Variants in MDGA2 observed in about 807,000 individuals in gnomAD.
MDGA2 encodes the protein MAM domain-containing glycosylphosphatidylinositol anchor protein 2.
A neutral mutation model predicts 117.8 loss-of-function variants in MDGA2; 40 were observed. The observed-to-expected ratio is 0.34, with a 90% CI of 0.26 to 0.44. The LOEUF is 0.44. Ranked by LOEUF, MDGA2 falls within the 20% of genes least tolerant of loss-of-function variation. The pLI is 1.00. For missense variants in MDGA2, 1,123 were observed against 1,250.6 expected, an observed-to-expected ratio of 0.90 and a Z score of 1.54; for synonymous variants, 452 against 439.0, an observed-to-expected ratio of 1.03 and a Z score of -0.37.
chr14:46,953,214 G>A (rs1004197445), intron 9 of MDGA2, among the ~76,000 whole-genome samples: 1 of 143,950 alleles, frequency 6.9e-6, no homozygotes, highest in Non-Finnish European at 1.5e-5. Context: ...ATTCCTGACT[G>A]TAAAAAAAAT....
At chr14:47,306,434 A>G (rs990844421) in intron 1 of MDGA2, among the ~76,000 whole-genome samples, 11 of 152,170 alleles carry the variant, frequency 7.2e-5, no homozygotes, top group Non-Finnish European at 1.3e-4. Context: ...TCTGATGAAG[A>G]AACTTTTTTC....
At chr14:47,155,567 C>T (rs12434637) in intron 3 of MDGA2, among the ~76,000 whole-genome samples, 1 of 152,198 alleles carries the variant, frequency 6.6e-6, no homozygotes, top group East Asian at 2.0e-4. Context: ...AGGGAGCCAA[C>T]GCCCATGCCG....
chr14:47,189,105 A>G (rs1168752153), intron 3 of MDGA2, among the ~76,000 whole-genome samples: 1 of 152,134 alleles, frequency 6.6e-6, no homozygotes, highest in Non-Finnish European at 1.5e-5. Flanking sequence ...AAGACAGAAG[A>G]GCCAACAGCT....
At chr14:47,319,157 C>G (rs190087752) in intron 1 of MDGA2, among the ~76,000 whole-genome samples, 1 of 152,034 alleles carries the variant, frequency 6.6e-6, no homozygotes, top group Non-Finnish European at 1.5e-5. Context: ...TTATAATATT[C>G]TTACTGGTTG....
intron 8 of MDGA2, among the ~76,000 whole-genome samples, chr14:46,970,013 C>T (rs1365579947): frequency 2.1e-5 from 3 of 142,058 alleles, no homozygotes; most frequent in African/African-American, 7.8e-5. Flanking sequence ...AAGATCTCTG[C>T]AAGGGCAACT....
At chr14:47,369,053 CATT>C (rs1208024209) in intron 1 of MDGA2, among the ~76,000 whole-genome samples, 2 of 151,962 alleles carry the variant, frequency 1.3e-5, no homozygotes, top group East Asian at 3.9e-4. Flanking sequence ...TGAATAATAA[CATT>C]ATTAGAGATA....
intron 9 of MDGA2, among the ~76,000 whole-genome samples, chr14:46,953,227 G>A (rs1885432486): frequency 6.7e-6 from 1 of 150,366 alleles, no homozygotes; most frequent in Non-Finnish European, 1.5e-5. Flanking sequence ...AAAAAAATCA[G>A]TTGAGAGTAC....
rs75138435 is a variant in MDGA2 at position 47,664,739 on chromosome 14, G to A, written c.280+9778C>T. On this transcript the variant is annotated intron_variant, in intron 1 of 16. Coordinates refer to ENST00000399232, the MANE Select transcript of MDGA2 (RefSeq NM_001113498.3). ...CAGTGGCTGTACATTCGTAAAGAAC[G>A]AAATGATTTTAGTCATTCTGGACCC... 4.3e-4 allele frequency among the ~76,000 whole-genome samples: 65 copies of A among 152,308 alleles called. No individual in the cohort carries two copies. The East Asian group carries it at 9.5e-3, about 22-fold the overall frequency.
chr14:47,185,526 G>C (rs558484425), intron 3 of MDGA2, among the ~76,000 whole-genome samples: 1 of 151,402 alleles, frequency 6.6e-6, no homozygotes, highest in Non-Finnish European at 1.5e-5. Context: ...AAATTGACTC[G>C]AGAGGGAACA....
At chr14:47,603,823 G>C (rs1488589078) in intron 1 of MDGA2, among the ~76,000 whole-genome samples, 1 of 152,070 alleles carries the variant, frequency 6.6e-6, no homozygotes, top group African/African-American at 2.4e-5. Flanking sequence ...GGATGGCTTA[G>C]CACCATCCCC....
At chr14:47,415,956 T>C (rs1382089342) in intron 1 of MDGA2, among the ~76,000 whole-genome samples, 1 of 152,192 alleles carries the variant, frequency 6.6e-6, no homozygotes, top group Admixed American at 6.5e-5. Context: ...ATCACCTTCA[T>C]GTTTAGGATT....
At chr14:47,564,051 C>T (rs1482086142) in intron 1 of MDGA2, among the ~76,000 whole-genome samples, 1 of 152,124 alleles carries the variant, frequency 6.6e-6, no homozygotes, top group Non-Finnish European at 1.5e-5. Flanking sequence ...TGGTTGGAAA[C>T]TATTTTCTTC....
At chr14:47,095,626 T>C (rs1362106629) in intron 6 of MDGA2, among the ~76,000 whole-genome samples, 1 of 151,724 alleles carries the variant, frequency 6.6e-6, no homozygotes, top group Non-Finnish European at 1.5e-5. Flanking sequence ...ATCATACATG[T>C]TATACATGTA....
chr14:47,257,468 C>A (rs774922747), intron 2 of MDGA2, among the ~76,000 whole-genome samples: 2 of 152,114 alleles, frequency 1.3e-5, no homozygotes, highest in Non-Finnish European at 2.9e-5. Context: ...CTTCTTCCAG[C>A]TCTCTCCACC....
At chr14:47,321,791 AC>A (rs1418413672) in intron 1 of MDGA2, among the ~76,000 whole-genome samples, 1 of 152,114 alleles carries the variant, frequency 6.6e-6, no homozygotes, top group Non-Finnish European at 1.5e-5. Flanking sequence ...ATTTCCATAA[AC>A]TTTTTGTCTG....
At chr14:47,542,158 G>A (rs141316646) in intron 1 of MDGA2, among the ~76,000 whole-genome samples, 10 of 152,270 alleles carry the variant, frequency 6.6e-5, no homozygotes, top group African/African-American at 1.9e-4. Context: ...ATTTTGTTAC[G>A]AATTATCCCT....
chr14:47,464,144 CAG>C (rs1479553630), intron 1 of MDGA2, among the ~76,000 whole-genome samples: 14 of 149,032 alleles, frequency 9.4e-5, no homozygotes, highest in Non-Finnish European at 1.9e-4. Context: ...CACACACACA[CAG>C]AGCCTCTGTT....
chr14:47,522,617 A>G (rs1369130152), intron 1 of MDGA2, among the ~76,000 whole-genome samples: 1 of 150,378 alleles, frequency 6.6e-6, no homozygotes, highest in Non-Finnish European at 1.5e-5. Flanking sequence ...ACAGTTATAC[A>G]AGGAATAGAA....
At chr14:47,465,826 T>C (rs1038977578) in intron 1 of MDGA2, among the ~76,000 whole-genome samples, 4 of 152,162 alleles carry the variant, frequency 2.6e-5, no homozygotes, top group African/African-American at 7.2e-5. Context: ...ATCCCGTTAC[T>C]GGGTGTATAT....
Sources: gnomAD v4.1 joint callset for allele counts (sites outside exome capture counted in the v4.1 genomes callset) on GRCh38, gnomAD v4.1.1 for gene constraint, MANE v1.5 for transcripts, NCBI Gene and HGNC (gene_info 2026-07-23, HGNC 2026-07-21) for gene names.